EIF3A: variants seen among roughly 807,000 people sequenced by gnomAD.
The protein encoded by EIF3A is EIF3, p180 subunit.
In EIF3A, 21 loss-of-function variants were observed where a neutral mutation model predicts 186.6. That is an observed-to-expected ratio of 0.11 (90% confidence interval 0.08 to 0.16). The LOEUF (loss-of-function observed/expected upper bound fraction) is 0.16, where lower values mean the gene tolerates loss of function less well. EIF3A is among the 10% of genes least tolerant of loss of function. The pLI is 1.00. For missense variants in EIF3A, 1,306 were observed against 1,796.3 expected (o/e 0.73, Z 4.93); for synonymous variants, 563 against 584.3 (o/e 0.96, Z 0.52).
chr10:119,075,253 C>G (rs1000845660), intron 1 of EIF3A, among the ~76,000 whole-genome samples: 6 of 151,926 alleles, frequency 3.9e-5, no homozygotes, highest in African/African-American at 7.2e-5. Context: ...GGTCACCATG[C>G]CCAGACAACT....
intron 19 of EIF3A, 53 bp from the exon 20 acceptor site, chr10:119,038,492 A>G: frequency 1.4e-6 from 2 of 1,452,730 alleles, no homozygotes; most frequent in Non-Finnish European, 1.9e-6. Flanking sequence ...AAGAAGAAAC[A>G]GATTGGCAAT....
At chr10:119,078,914 T>C (rs546725629) in intron 1 of EIF3A, among the ~76,000 whole-genome samples, 161 of 152,246 alleles carry the variant, frequency 1.1e-3, no homozygotes, top group Non-Finnish European at 1.9e-3. Context: ...ATATAATATG[T>C]AGGCCATTAT....
chr10:119,067,650 A>C (rs1346719260), intron 6 of EIF3A, among the ~76,000 whole-genome samples: 1 of 152,222 alleles, frequency 6.6e-6, no homozygotes, highest in Non-Finnish European at 1.5e-5. Flanking sequence ...GAAGAGAAAG[A>C]AAGAAAATAT....
At chr10:119,064,438 T>G (rs1165737157) in intron 7 of EIF3A, among the ~76,000 whole-genome samples, 1 of 152,128 alleles carries the variant, frequency 6.6e-6, no homozygotes, top group Admixed American at 6.5e-5. Context: ...CAATTTCTAA[T>G]GATTTAGCAC....
At chr10:119,045,508 G>A (rs977552841) in intron 17 of EIF3A, among the ~76,000 whole-genome samples, 3 of 152,118 alleles carry the variant, frequency 2.0e-5, no homozygotes, top group Non-Finnish European at 4.4e-5. Context: ...AGAAGGCCAA[G>A]CTTCTCCCAC....
At chr10:119,051,937 T>C (rs760275663) in intron 14 of EIF3A, among the ~76,000 whole-genome samples, 2 of 152,246 alleles carry the variant, frequency 1.3e-5, no homozygotes. Flanking sequence ...CAATGAGTCA[T>C]AATCTTTTTG....
At chr10:119,061,052 T>C (rs1843877031) in intron 8 of EIF3A, 172 bp downstream of exon 8, 3 of 580,008 alleles carry the variant, frequency 5.2e-6, no homozygotes, top group Non-Finnish European at 9.0e-6. Flanking sequence ...AAAGGTTTGC[T>C]GAGCACATCA....
intron 7 of EIF3A, among the ~76,000 whole-genome samples, chr10:119,065,096 C>T (rs944330474): frequency 2.0e-5 from 3 of 152,136 alleles, no homozygotes; most frequent in Non-Finnish European, 4.4e-5. Context: ...TTTCCTAGAG[C>T]CTCCATGAAA....
At position 119,073,510 on chromosome 10, in the gene EIF3A, G is replaced by A; in HGVS notation, c.308C>T (p.Ala103Val). 1.2e-6 allele frequency: 2 copies of A among 1,607,800 alleles called. No individual in the cohort carries two copies. The highest frequency in any genetic ancestry group is 1.7e-6 in the Non-Finnish European group (2 of 1,174,552). ...YLKMAEEKTE[A>V]AKEESQQMVL... ...CATCTGCTGAGATTCTTCTTTAGCA[G>A]CTTCAGTTTTTTCCTCTGCCATTTT... is the stretch of plus-strand genomic sequence containing the variant. Residue 103 changes from alanine (A) to valine (V), a missense_variant, in exon 3 of 22, where the codon GCT (alanine) becomes GTT (valine). By Grantham distance (64) the Ala-to-Val change is moderately conservative. Transcript: ENST00000369144.
At chr10:119,050,290 C>T (rs1362956069) in intron 16 of EIF3A, among the ~76,000 whole-genome samples, 1 of 152,030 alleles carries the variant, frequency 6.6e-6, no homozygotes, top group Admixed American at 6.6e-5. Flanking sequence ...ACACAGAATA[C>T]GGTGATTAAA....
chr10:119,038,953 C>A (rs558745534), intron 19 of EIF3A, among the ~76,000 whole-genome samples: 2 of 152,024 alleles, frequency 1.3e-5, no homozygotes. Flanking sequence ...AAAAAAAATA[C>A]CAAAAACCTT....
intron 1 of EIF3A, among the ~76,000 whole-genome samples, chr10:119,076,104 G>T (rs1490321799): frequency 6.6e-6 from 1 of 150,502 alleles, no homozygotes; most frequent in Non-Finnish European, 1.5e-5. Flanking sequence ...TTTGGGAGGC[G>T]GGTGGATCAC....
Position 119,049,806 on chromosome 10 carries a change from T to C in EIF3A, c.2653A>G (p.Arg885Gly). The stretch of plus-strand genomic sequence containing the variant: ...TCAATAAACCCTATACTCACCTTTC[T>C]AGAAAGGGAACTATCGCCAAGTCTT... The part of the protein sequence containing the change: ...ERRLGDSSLS[R>G]KDSRWGDRDS... Residue 885 changes from arginine to glycine, a missense_variant, in exon 17 of 22, where the codon AGA (arginine) becomes GGA (glycine). By Grantham distance (125) the Arg-to-Gly change is moderately radical. Transcript: ENST00000369144. The C allele has an allele frequency of 1.2e-6, 2 of 1,613,490 alleles. No homozygotes were observed. The highest frequency in any genetic ancestry group is 1.7e-6 in the Non-Finnish European group (2 of 1,179,548).
chr10:119,064,684 A>G (rs1167169772), intron 7 of EIF3A, among the ~76,000 whole-genome samples: 1 of 152,076 alleles, frequency 6.6e-6, no homozygotes, highest in African/African-American at 2.4e-5. Context: ...TTTTCTTTAT[A>G]AATTACCCAG....
chr10:119,067,436 T>C (rs1193038159), intron 6 of EIF3A, among the ~76,000 whole-genome samples: 1 of 151,926 alleles, frequency 6.6e-6, no homozygotes, highest in African/African-American at 2.4e-5. Flanking sequence ...CAAAAAAAAT[T>C]AAACATTAGC....
intron 14 of EIF3A, 55 bp downstream of exon 14, chr10:119,056,685 C>T: frequency 8.6e-7 from 1 of 1,158,394 alleles, no homozygotes; most frequent in Non-Finnish European, 1.3e-6. Flanking sequence ...GGTTCCATTA[C>T]TGGCAGAGGA....
In EIF3A at chr10:119,062,339, T is replaced by C. The variant is rs146561888; in HGVS notation, c.1123-1011A>G. 1.2e-4 allele frequency among the ~76,000 whole-genome samples: 19 copies of C among 152,346 alleles called. No individual in the cohort carries two copies. The East Asian group carries it at 2.5e-3, about 20-fold the overall frequency. ...TTATATTTCTCACTAAAATACATGA[T>C]TGGTTTACTTTCCGATTTAAAAGTC... On this transcript the variant is annotated intron_variant, in intron 7 of 21. Coordinates refer to ENST00000369144, the MANE Select transcript of EIF3A (RefSeq NM_003750.4).
intron 20 of EIF3A, among the ~76,000 whole-genome samples, 200 bp from the exon 21 acceptor site, chr10:119,037,509 T>C (rs1411086074): frequency 6.6e-6 from 1 of 152,220 alleles, no homozygotes; most frequent in Non-Finnish European, 1.5e-5. Flanking sequence ...CGTTAGCCAC[T>C]ACCCATATGT....
Position 119,037,238 on chromosome 10 carries a change from T to A in EIF3A, c.3800A>T (p.Asp1267Val). 6.2e-7 allele frequency: 1 copy of A among 1,614,104 alleles called. No homozygotes were observed. Among genetic ancestry groups the A allele is most frequent in the South Asian group, 1.1e-5 (1 of 91,076 alleles). ...SSWRDSSRRDDRDRDDRRRER... is the reference protein window; with the variant it reads ...SSWRDSSRRDVRDRDDRRRER... ...ACGGCGACGGTCATCCCTATCCCTA[T>A]CGTCCCGGCGACTTGAGTCTCTCCA... is the stretch of plus-strand genomic sequence containing the variant. The change falls in exon 21 of 22, where the codon GAT (aspartate) becomes GTT (valine). Residue 1267 changes from aspartate to valine, a missense_variant. Asp to Val is a radical substitution (Grantham distance 152). This residue lies in a region of EIF3A where 331 missense variants were observed against 365.8 expected (regional missense o/e 0.90). Transcript: ENST00000369144.
Sources: gnomAD v4.1 joint callset for allele counts (sites outside exome capture counted in the v4.1 genomes callset) on GRCh38, gnomAD v4.1.1 for gene constraint, gnomAD v4.1.1 regional missense constraint, MANE v1.5 for transcripts, NCBI Gene and HGNC (gene_info 2026-07-23, HGNC 2026-07-21) for gene names.